SLC8A1: variants seen among roughly 807,000 people sequenced by gnomAD.
SLC8A1 encodes the protein solute carrier family 8 member A1.
SLC8A1 carries 18 observed loss-of-function variants against 68.3 expected under a neutral mutation model. The observed-to-expected ratio is 0.26, with a 90% CI of 0.18 to 0.39. The LOEUF is 0.39. Ranked by LOEUF, SLC8A1 falls within the 10% of genes least tolerant of loss-of-function variation. SLC8A1 has a pLI of 1.00. For missense variants in SLC8A1, 985 were observed against 1,156.7 expected, an observed-to-expected ratio of 0.85 and a Z score of 2.15; for synonymous variants, 475 against 415.5, an observed-to-expected ratio of 1.14 and a Z score of -1.74.
chr2:40,341,909 A>G (rs1236207961), intron 2 of SLC8A1, among the ~76,000 whole-genome samples: 3 of 152,196 alleles, frequency 2.0e-5, no homozygotes, highest in African/African-American at 4.8e-5. Flanking sequence ...AAAATTATGT[A>G]TTCTATCTGC....
intron 2 of SLC8A1, among the ~76,000 whole-genome samples, chr2:40,416,301 T>G (rs768751343): frequency 5.9e-5 from 9 of 152,152 alleles, no homozygotes; most frequent in Non-Finnish European, 1.0e-4. Context: ...TTCATTTTAG[T>G]AGATCATCCA....
At chr2:40,097,442 T>G (rs529542172) in exon 8 of SLC8A1, 6 of 152,142 alleles carry the variant, frequency 3.9e-5, no homozygotes, top group Admixed American at 2.0e-4. Flanking sequence ...CAAACAATGC[T>G]TCTGCTTTTG....
chr2:40,352,134 GT>G (rs542383960), intron 2 of SLC8A1, among the ~76,000 whole-genome samples: 1 of 152,214 alleles, frequency 6.6e-6, no homozygotes, highest in Non-Finnish European at 1.5e-5. Context: ...TATTTATCCA[GT>G]TTTCTTCTTT....
intron 2 of SLC8A1, among the ~76,000 whole-genome samples, chr2:40,281,605 G>A (rs578069349): frequency 8.1e-4 from 123 of 152,318 alleles, no homozygotes; most frequent in Middle Eastern, 3.4e-3. Flanking sequence ...GCCTTGGCAA[G>A]TCTAATGGAG....
intron 2 of SLC8A1, among the ~76,000 whole-genome samples, chr2:40,252,942 CAT>C (rs961151492): frequency 3.0e-4 from 40 of 133,940 alleles, no homozygotes; most frequent in Non-Finnish European, 4.6e-4. Flanking sequence ...TATGTATGTA[CAT>C]ATATACATAT....
intron 2 of SLC8A1, among the ~76,000 whole-genome samples, chr2:40,318,315 C>T (rs200234015): frequency 6.6e-6 from 1 of 151,980 alleles, no homozygotes; most frequent in Non-Finnish European, 1.5e-5. Flanking sequence ...GGCTGGGCAT[C>T]TGTCTTTTAA....
At chr2:40,225,615 G>T (rs965730428) in intron 2 of SLC8A1, among the ~76,000 whole-genome samples, 1 of 152,150 alleles carries the variant, frequency 6.6e-6, no homozygotes, top group Non-Finnish European at 1.5e-5. Context: ...AAGGGCTCAC[G>T]ATGGAAATCA....
intron 1 of SLC8A1, among the ~76,000 whole-genome samples, chr2:40,490,967 G>A (rs1012669527): frequency 6.6e-6 from 1 of 152,074 alleles, no homozygotes; most frequent in Non-Finnish European, 1.5e-5. Flanking sequence ...TAAAAACCCG[G>A]CCATTCACTA....
At chr2:40,249,820 C>CTTACT (rs1173196953) in intron 2 of SLC8A1, among the ~76,000 whole-genome samples, 1 of 152,134 alleles carries the variant, frequency 6.6e-6, no homozygotes, top group East Asian at 1.9e-4. Flanking sequence ...CTGCCTAGAT[C>CTTACT]TTACTTAACA....
At chr2:40,357,963 T>A (rs1295165195) in intron 2 of SLC8A1, among the ~76,000 whole-genome samples, 1 of 150,966 alleles carries the variant, frequency 6.6e-6, no homozygotes, top group African/African-American at 2.4e-5. Flanking sequence ...TTTATCCTGA[T>A]GTGTTTGTAT....
At chr2:40,151,396 T>G (rs554911699) in intron 6 of SLC8A1, among the ~76,000 whole-genome samples, 93 of 152,312 alleles carry the variant, frequency 6.1e-4, no homozygotes, top group African/African-American at 2.1e-3. Context: ...TATTCATTCT[T>G]TATAAAACAA....
At chr2:40,199,958 T>C (rs563963852) in intron 2 of SLC8A1, among the ~76,000 whole-genome samples, 8 of 150,476 alleles carry the variant, frequency 5.3e-5, no homozygotes, top group African/African-American at 2.0e-4. Flanking sequence ...TAAAATTACA[T>C]TGTTTTCATA....
At chr2:40,495,084 G>A (rs1056498079) in intron 1 of SLC8A1, among the ~76,000 whole-genome samples, 4 of 151,970 alleles carry the variant, frequency 2.6e-5, no homozygotes, top group African/African-American at 7.3e-5. Flanking sequence ...TGTCAACTTT[G>A]TAGTCTGTGT....
chr2:40,255,934 G>GTATT (rs1441845827), intron 2 of SLC8A1, among the ~76,000 whole-genome samples: 7 of 147,568 alleles, frequency 4.7e-5, no homozygotes, highest in Non-Finnish European at 8.9e-5. Flanking sequence ...GAGTCCACAT[G>GTATT]TATTTAGAAG....
chr2:40,286,129 A>AT (rs1003664422), intron 2 of SLC8A1, among the ~76,000 whole-genome samples: 1 of 152,170 alleles, frequency 6.6e-6, no homozygotes, highest in Non-Finnish European at 1.5e-5. Context: ...TAGCTAATAG[A>AT]TGTCTGTCCA....
intron 2 of SLC8A1, among the ~76,000 whole-genome samples, chr2:40,221,797 C>T (rs1254691523): frequency 6.6e-6 from 1 of 152,076 alleles, no homozygotes; most frequent in Non-Finnish European, 1.5e-5. Context: ...GAATAAAATA[C>T]CTAGAAATAC....
intron 2 of SLC8A1, among the ~76,000 whole-genome samples, chr2:40,197,807 G>A (rs1232626486): frequency 6.6e-6 from 1 of 152,078 alleles, no homozygotes; most frequent in African/African-American, 2.4e-5. Flanking sequence ...TATCTGTGAG[G>A]TTCAAGATAG....
intron 2 of SLC8A1, among the ~76,000 whole-genome samples, chr2:40,253,803 T>C (rs1470481485): frequency 1.1e-4 from 13 of 120,476 alleles, no homozygotes; most frequent in Admixed American, 4.9e-4. Context: ...CTCCAGCCTG[T>C]GCAACAGAGC....
intron 2 of SLC8A1, among the ~76,000 whole-genome samples, chr2:40,270,453 G>T (rs2065887219): frequency 1.3e-5 from 2 of 152,232 alleles, no homozygotes; most frequent in African/African-American, 4.8e-5. Flanking sequence ...ATCTAGAGGA[G>T]AATCTGTTTC....
Sources: gnomAD v4.1 joint callset for allele counts (sites outside exome capture counted in the v4.1 genomes callset) on GRCh38, gnomAD v4.1.1 for gene constraint, MANE v1.5 for transcripts, NCBI Gene and HGNC (gene_info 2026-07-23, HGNC 2026-07-21) for gene names.